The following YLPM1 variants were observed in gnomAD, a reference collection of about 807,000 sequenced individuals.
YLPM1 encodes YLP motif-containing protein 1.
Under a neutral mutation model 230.0 loss-of-function variants are expected in YLPM1, and 99 were observed. The observed-to-expected ratio is 0.43, with a 90% CI of 0.37 to 0.51. The LOEUF is 0.51. Ranked by LOEUF, YLPM1 falls within the 20% of genes least tolerant of loss-of-function variation. The pLI is 0.00. For synonymous variants in YLPM1, 984 were observed against 942.5 expected (o/e 1.04, Z -0.81); for missense variants, 2,592 against 2,707.7 (o/e 0.96, Z 0.95).
Position 74,798,203 on chromosome 14 carries a change from C to T in YLPM1, c.2906C>T (p.Thr969Ile), listed in dbSNP as rs1325394612. The change falls in exon 5 of 21, where the codon ACA (threonine) becomes ATA (isoleucine). Residue 969 changes from threonine to isoleucine, a missense_variant. Physicochemically the swap from Thr to Ile is moderately conservative, Grantham distance 89. This residue lies in a region of YLPM1 where 1,862 missense variants were observed against 1,819.8 expected (regional missense o/e 1.02). Transcript: ENST00000325680. Reference protein sequence around the residue: ...PSKTGGMEGGTAVATSSLTAD... With the variant: ...PSKTGGMEGGIAVATSSLTAD... ...AAAACAGGGGGGATGGAGGGAGGAA[C>T]AGCAGTAGCAACATCATCATTAACA... The T allele has an allele frequency of 2.5e-6, 4 of 1,613,850 alleles. No individual in the cohort carries two copies. Among genetic ancestry groups the T allele is most frequent in the African/African-American group, 2.7e-5 (2 of 74,910 alleles).
intron 1 of YLPM1, among the ~76,000 whole-genome samples, chr14:74,767,392 T>C (rs565959344): frequency 2.6e-5 from 4 of 152,306 alleles, no homozygotes; most frequent in East Asian, 3.9e-4. Flanking sequence ...TCCCAAACAA[T>C]GTTTTTTTGG....
rs540549336 is a variant in YLPM1 at position 74,799,098 on chromosome 14, T to C, written c.3801T>C (p.Asp1267=). 9 of 1,613,686 alleles carry C rather than the reference T, an allele frequency of 5.6e-6. No individual in the cohort carries two copies. The highest frequency in any genetic ancestry group is 5.3e-5 in the African/African-American group (4 of 74,952). Residue 1267 remains aspartate, a synonymous_variant, in exon 5 of 21, where the codon GAT becomes GAC. Transcript: ENST00000325680. ...DGDRRGPWWD[D]WERDQDMDED... ...ATAGGCGAGGCCCTTGGTGGGATGATTGGGAGAGAGACCAGGATATGGATG... is the reference window on the plus strand; with the variant it reads ...ATAGGCGAGGCCCTTGGTGGGATGACTGGGAGAGAGACCAGGATATGGATG...
intron 18 of YLPM1, among the ~76,000 whole-genome samples, chr14:74,828,188 G>A (rs1436115050): frequency 1.3e-5 from 2 of 152,104 alleles, no homozygotes; most frequent in African/African-American, 4.8e-5. Context: ...CTCCAACGTG[G>A]TGTCTGAAAG....
In YLPM1 at chr14:74,780,479, G is replaced by A. The variant is rs550070473; in HGVS notation, c.1185G>A (p.Gln395=). The change falls in exon 3 of 21, where the codon CAG becomes CAA. Residue 395 remains glutamine, a synonymous_variant. Coordinates refer to ENST00000325680, the MANE Select transcript of YLPM1 (RefSeq NM_019589.3). The part of the protein sequence containing the change: ...AAAAHWQQHQ[Q]HRVGFQYQGI... ...CAGCACACTGGCAGCAGCACCAGCA[G>A]CATCGAGTCGGTTTCCAGTATCAGG... 6.2e-7 allele frequency: 1 copy of A among 1,613,998 alleles called. No individual in the cohort carries two copies. Among genetic ancestry groups the A allele is most frequent in the East Asian group, 2.2e-5 (1 of 44,892 alleles).
chr14:74,827,448 C>G, intron 18 of YLPM1: 1 of 985,376 alleles, frequency 1.0e-6, no homozygotes, highest in Non-Finnish European at 1.2e-6. Context: ...AATAAAATTT[C>G]AAATTAAACA....
intron 4 of YLPM1, 53 bp from the exon 5 acceptor site, chr14:74,797,527 A>ATT: frequency 3.8e-6 from 5 of 1,298,886 alleles, no homozygotes; most frequent in South Asian, 1.9e-5. Context: ...TACATGGAGA[A>ATT]TTTTTTTTTT....
intron 19 of YLPM1, among the ~76,000 whole-genome samples, chr14:74,833,484 C>T (rs1566770165): frequency 6.6e-6 from 1 of 152,178 alleles, no homozygotes; most frequent in Non-Finnish European, 1.5e-5. Flanking sequence ...AACACCTAGG[C>T]TGACGTGATC....
In YLPM1 at chr14:74,821,086, CG is replaced by C. The variant is rs2091516784; in HGVS notation, c.6061del (p.Glu2021LysfsTer34). On this transcript the variant is annotated frameshift_variant, in exon 17 of 21. Transcript: ENST00000325680. LOFTEE classifies it high-confidence loss of function. ...VEMEDFDANI[E>X]EQKEEKKDAE... ...AGATGGAAGATTTTGATGCAAATAT[CG>C]AAGAACAGAAAGAAGAAAAGAAAGA... The C allele has an allele frequency of 6.6e-7, 1 of 1,524,338 alleles. No homozygotes were observed. 94.4% of individuals were successfully genotyped at this position (1,524,338 alleles called of 1,614,324 possible). A position where few individuals can be genotyped will look rare whatever the true frequency, so the allele number is the denominator to read the frequency against.
Position 74,783,852 on chromosome 14 carries a change from T to C in YLPM1, c.2282+1527T>C, listed in dbSNP as rs116976142. Among the ~76,000 whole-genome samples, 183 of 152,306 alleles carry C rather than the reference T, an allele frequency of 1.2e-3. 2 individuals carry two copies. The East Asian group carries it at 0.028, about 23-fold the overall frequency. On this transcript the variant is annotated intron_variant, in intron 4 of 20. Transcript: ENST00000325680. ...TCATGGAAGTCTTCTCAACAACCTG[T>C]GAAGTAGGCAGATTATTCTCCATTT...
Position 74,798,042 on chromosome 14 carries a change from G to T in YLPM1, c.2745G>T (p.Ser915=), listed in dbSNP as rs762376695. The part of the protein sequence containing the change: ...SQQEPPKSEV[S]EGPVEPSNWD... ...AAGAGCCACCTAAAAGTGAAGTCTC[G>T]GAAGGGCCCGTAGAGCCCTCTAATT... The change falls in exon 5 of 21, where the codon TCG becomes TCT. Residue 915 remains serine (S), a synonymous_variant. Transcript: ENST00000325680. The T allele has an allele frequency of 9.3e-6, 15 of 1,613,670 alleles. No homozygotes were observed. Among genetic ancestry groups the T allele is most frequent in the East Asian group, 2.2e-5 (1 of 44,880 alleles).
rs757548326 is a variant in YLPM1 at position 74,816,205 on chromosome 14, T to A, written c.5505T>A (p.Ile1835=). The A allele has an allele frequency of 1.9e-6, 3 of 1,605,970 alleles. No individual in the cohort carries two copies. The highest frequency in any genetic ancestry group is 1.7e-6 in the Non-Finnish European group (2 of 1,176,410). ...PPGRESRPER[I]VVIMRGLPGS... ...TTTTTTGGTCTATTCTGTTTCAGATTGTTGTTATAATGAGAGGATTACCTG... is the reference window on the plus strand; with the variant it reads ...TTTTTTGGTCTATTCTGTTTCAGATAGTTGTTATAATGAGAGGATTACCTG... Residue 1835 remains isoleucine (I), a splice_region_variant and synonymous_variant, in exon 12 of 21, where the codon ATT becomes ATA. Transcript: ENST00000325680.
intron 18 of YLPM1, chr14:74,828,180 C>G (rs2091580840): frequency 5.0e-6 from 1 of 201,122 alleles, no homozygotes; most frequent in African/African-American, 2.4e-5. Context: ...CAAGTTCTCT[C>G]CAACGTGGTG....
Position 74,798,116 on chromosome 14 carries a change from C to CTGT in YLPM1, c.2821_2823dup (p.Val941dup). On this transcript the variant is annotated inframe_insertion, in exon 5 of 21. Coordinates refer to ENST00000325680, the MANE Select transcript of YLPM1 (RefSeq NM_019589.3). ...GAGACTCAAATCGACAAAGCCCAAG[C>CTGT]TGTTACTCAGCCTGTACCCCTTGCG... is the stretch of plus-strand genomic sequence containing the variant. The CTGT allele has an allele frequency of 6.2e-7, 1 of 1,613,958 alleles. No individual in the cohort carries two copies. The highest frequency in any genetic ancestry group is 1.3e-5 in the African/African-American group (1 of 75,022).
Position 74,763,688 on chromosome 14 carries a change from A to C in YLPM1, c.199A>C (p.Met67Leu). The C allele has an allele frequency of 6.4e-7, 1 of 1,570,180 alleles. No homozygotes were observed. The highest frequency in any genetic ancestry group is 1.1e-5 in the South Asian group (1 of 87,824). The change falls in exon 1 of 21, where the codon ATG (methionine) becomes CTG (leucine). Residue 67 changes from methionine (M) to leucine (L), a missense_variant. Physicochemically the swap from Met to Leu is conservative, Grantham distance 15. Coordinates refer to ENST00000325680, the MANE Select transcript of YLPM1 (RefSeq NM_019589.3). The part of the protein sequence containing the change: ...HLAQLQQLQQ[M>L]HQKQMQCVLQ... ...GGCGCAGCTCCAGCAGCTGCAGCAG[A>C]TGCACCAGAAGCAAATGCAGTGCGT...
chr14:74,798,219 A>G lies in YLPM1; in HGVS notation c.2922A>G (p.Ser974=). 1 of 1,614,028 alleles carries G rather than the reference A, an allele frequency of 6.2e-7. No homozygotes were observed. The highest frequency in any genetic ancestry group is 8.5e-7 in the Non-Finnish European group (1 of 1,179,900). Residue 974 remains serine (S), a synonymous_variant, in exon 5 of 21, where the codon TCA becomes TCG. Transcript: ENST00000325680. ...GMEGGTAVAT[S]SLTADNDFKP... ...AGGGAGGAACAGCAGTAGCAACATC[A>G]TCATTAACAGCAGATAATGATTTTA...
Position 74,781,932 on chromosome 14 carries a change from C to G in YLPM1, c.1889C>G (p.Pro630Arg), listed in dbSNP as rs778846548. Reference protein sequence around the residue: ...PLPPLSSATPPPGIPPPGVPQ... With the variant: ...PLPPLSSATPRPGIPPPGVPQ... ...CCACCATTGTCTTCAGCTACACCTC[C>G]TCCAGGAATACCTCCCCCTGGAGTT... is the stretch of plus-strand genomic sequence containing the variant. The change falls in exon 4 of 21, where the codon CCT (proline) becomes CGT (arginine). Residue 630 changes from proline to arginine, a missense_variant. This residue lies in a region of YLPM1 where 1,862 missense variants were observed against 1,819.8 expected (regional missense o/e 1.02). Coordinates refer to ENST00000325680, the MANE Select transcript of YLPM1 (RefSeq NM_019589.3). 6.2e-7 allele frequency: 1 copy of G among 1,613,912 alleles called. No homozygotes were observed. The highest frequency in any genetic ancestry group is 8.5e-7 in the Non-Finnish European group (1 of 1,179,828).
In YLPM1 at chr14:74,782,006, TC is replaced by T; in HGVS notation, c.1965del (p.Ser656ValfsTer43). 1 of 1,613,840 alleles carries T rather than the reference TC, an allele frequency of 6.2e-7. No individual in the cohort carries two copies. Among genetic ancestry groups the T allele is most frequent in the Non-Finnish European group, 8.5e-7 (1 of 1,179,826 alleles). ...AACAGCAGCCCCAGTTCCACCAGCCTCCAGTTCACAGAGCTCGCAAGTTCCA... is the reference window on the plus strand; with the variant it reads ...AACAGCAGCCCCAGTTCCACCAGCCTCAGTTCACAGAGCTCGCAAGTTCCA... ...QLTAAPVPPA[S>X]SSQSSQVPEK... is the part of the protein sequence containing the mutation. On this transcript the variant is annotated frameshift_variant, in exon 4 of 21. Transcript: ENST00000325680. LOFTEE classifies it high-confidence loss of function.
Position 74,771,446 on chromosome 14 carries a change from G to A in YLPM1, c.874-7001G>A, listed in dbSNP as rs1473745346. Reference sequence around the variant, plus strand: ...ATGGCCAAATAGGTATTCATATTAGGTTGGTGCAAAAGTAATTGCAGTTTT... The same window carrying A: ...ATGGCCAAATAGGTATTCATATTAGATTGGTGCAAAAGTAATTGCAGTTTT... On this transcript the variant is annotated intron_variant, in intron 1 of 20. Coordinates refer to ENST00000325680, the MANE Select transcript of YLPM1 (RefSeq NM_019589.3). Among the ~76,000 whole-genome samples, 4 of 152,182 alleles carry A rather than the reference G, an allele frequency of 2.6e-5. No individual in the cohort carries two copies. The East Asian group carries it at 7.7e-4, about 29-fold the overall frequency.
Position 74,798,653 on chromosome 14 carries a change from G to T in YLPM1, c.3356G>T (p.Ser1119Ile). The change falls in exon 5 of 21, where the codon AGT becomes ATT. Residue 1119 changes from serine to isoleucine, a missense_variant. This residue lies in a region of YLPM1 where 1,862 missense variants were observed against 1,819.8 expected (regional missense o/e 1.02). Transcript: ENST00000325680. Reference sequence around the variant, plus strand: ...AGGGGACCACCTCGGAGGGCTGGCAGTCAGGAGAGGGGACCTCTTCGAAGG... The same window carrying T: ...AGGGGACCACCTCGGAGGGCTGGCATTCAGGAGAGGGGACCTCTTCGAAGG... ...RERGPPRRAG[S>I]QERGPLRRAG... 1.2e-6 allele frequency: 2 copies of T among 1,612,054 alleles called. No homozygotes were observed. The highest frequency in any genetic ancestry group is 1.1e-5 in the South Asian group (1 of 90,892).
Sources: allele counts gnomAD v4.1 joint callset (sites outside exome capture counted in the v4.1 genomes callset), GRCh38; gene constraint gnomAD v4.1.1; regional missense constraint gnomAD v4.1.1; transcripts MANE v1.5; gene names NCBI Gene and HGNC (gene_info 2026-07-23, HGNC 2026-07-21).